SUCLG2: variants seen among roughly 807,000 people sequenced by gnomAD.
SUCLG2 encodes succinate-CoA ligase GDP-forming subunit beta, also known as succinate--CoA ligase [GDP-forming] subunit beta, mitochondrial.
In SUCLG2, 42 loss-of-function variants were observed where a neutral mutation model predicts 47.9. The ratio of observed to expected loss-of-function variants is 0.88; its 90% CI spans 0.69 to 1.14. The LOEUF is 1.14. SUCLG2 is among the 50% of genes most tolerant of loss of function. The pLI is 0.00. For missense variants in SUCLG2, 571 were observed against 525.9 expected, an observed-to-expected ratio of 1.09 and a Z score of -0.84; for synonymous variants, 195 against 197.3, an observed-to-expected ratio of 0.99 and a Z score of 0.10.
At chr3:67,637,795 A>G (rs1441369071) in intron 1 of SUCLG2, among the ~76,000 whole-genome samples, 1 of 152,180 alleles carries the variant, frequency 6.6e-6, no homozygotes, top group Non-Finnish European at 1.5e-5. Flanking sequence ...CCATGCCAGT[A>G]ACTTTTGATC....
intron 4 of SUCLG2, among the ~76,000 whole-genome samples, chr3:67,524,292 T>C (rs576612143): frequency 1.3e-5 from 2 of 152,234 alleles, no homozygotes; most frequent in African/African-American, 2.4e-5. Context: ...GAAAGCTTTT[T>C]AACTTTCTTT....
At chr3:67,495,665 A>AC in intron 9 of SUCLG2, 133 bp downstream of exon 9, 1 of 1,123,486 alleles carries the variant, frequency 8.9e-7, no homozygotes, top group South Asian at 1.7e-5. Flanking sequence ...AAAAAAAAAA[A>AC]AAGATAGAAG....
intron 2 of SUCLG2, among the ~76,000 whole-genome samples, chr3:67,609,166 TC>T (rs1700482515): frequency 6.6e-6 from 1 of 152,208 alleles, no homozygotes; most frequent in African/African-American, 2.4e-5. Context: ...CTGAAGGCTG[TC>T]CTGTGATTCC....
intron 2 of SUCLG2, among the ~76,000 whole-genome samples, chr3:67,583,322 C>A (rs1707929981): frequency 6.6e-6 from 1 of 152,218 alleles, no homozygotes; most frequent in Non-Finnish European, 1.5e-5. Flanking sequence ...TGCCTCCTCA[C>A]TGGTCTCCTG....
intron 9 of SUCLG2, among the ~76,000 whole-genome samples, chr3:67,436,232 G>T (rs1204263411): frequency 6.6e-6 from 1 of 152,114 alleles, no homozygotes; most frequent in Non-Finnish European, 1.5e-5. Flanking sequence ...ACAAAATCTT[G>T]CTCTGCTTCA....
intron 6 of SUCLG2, among the ~76,000 whole-genome samples, chr3:67,513,546 A>G (rs1351039861): frequency 6.6e-6 from 1 of 152,210 alleles, no homozygotes; most frequent in Non-Finnish European, 1.5e-5. Flanking sequence ...CTAAATGGTT[A>G]TAAGGGCTAA....
chr3:67,395,567 T>A (rs1702505251), intron 10 of SUCLG2, among the ~76,000 whole-genome samples: 1 of 152,286 alleles, frequency 6.6e-6, no homozygotes, highest in Non-Finnish European at 1.5e-5. Context: ...CACACAATAA[T>A]AATGGGAGAC....
chr3:67,426,341 A>G (rs1259775954), intron 9 of SUCLG2, among the ~76,000 whole-genome samples: 1 of 152,224 alleles, frequency 6.6e-6, no homozygotes, highest in Non-Finnish European at 1.5e-5. Context: ...AGAATATATT[A>G]GGTGAAAAAG....
intron 9 of SUCLG2, among the ~76,000 whole-genome samples, chr3:67,475,945 A>G (rs1704740492): frequency 6.6e-6 from 1 of 151,850 alleles, no homozygotes; most frequent in Non-Finnish European, 1.5e-5. Flanking sequence ...AGAAAGGCCA[A>G]TTTAAAACCA....
chr3:67,537,021 TAC>T (rs148768962), intron 2 of SUCLG2, among the ~76,000 whole-genome samples: 2,561 of 152,274 alleles, frequency 0.017, 30 homozygotes, highest in Non-Finnish European at 0.029. Context: ...ACACCATATG[TAC>T]AGTCATTAAC....
downstream of SUCLG2, among the ~76,000 whole-genome samples, chr3:67,373,117 G>A (rs1356687299): frequency 6.6e-6 from 1 of 151,812 alleles, no homozygotes; most frequent in Non-Finnish European, 1.5e-5. Context: ...ATATTTTCTC[G>A]CTTATTTTAA....
intron 2 of SUCLG2, among the ~76,000 whole-genome samples, chr3:67,594,063 G>A (rs2107283501): frequency 6.6e-6 from 1 of 152,314 alleles, no homozygotes; most frequent in East Asian, 1.9e-4. Flanking sequence ...GTCCGAGGAG[G>A]ATGAGAGGCA....
rs544784281 is a variant in SUCLG2, at chr3:67,429,098, G to T, written c.1063-28247C>A. 6.6e-5 allele frequency among the ~76,000 whole-genome samples: 10 copies of T among 152,214 alleles called. No homozygotes were observed. In the East Asian group the frequency reaches 7.7e-4, roughly 12 times the overall value. On this transcript the variant is annotated intron_variant, in intron 9 of 10. Transcript: ENST00000307227. ...AACATTCAGATTCAGGAAATACAGA[G>T]AATGCCACAAAGATACTCCTCGAGA... is the stretch of plus-strand genomic sequence containing the variant.
At chr3:67,466,532 T>C (rs1361791514) in intron 9 of SUCLG2, among the ~76,000 whole-genome samples, 4 of 152,308 alleles carry the variant, frequency 2.6e-5, no homozygotes, top group South Asian at 4.1e-4. Context: ...ATAAACTTAG[T>C]GTATCCCCTG....
rs1704006983 is a variant in SUCLG2, at chr3:67,449,671, AGTGGC to A, written c.1062+46122_1062+46126del. On this transcript the variant is annotated intron_variant, in intron 9 of 10. Transcript: ENST00000307227. Reference sequence around the variant, plus strand: ...CACTCTGTTGCCCAGGCTGGGGTGCAGTGGCGTGACCTCGCTCACTGGAGCTTCTA... The same window carrying A: ...CACTCTGTTGCCCAGGCTGGGGTGCAGTGACCTCGCTCACTGGAGCTTCTA... 2.6e-5 allele frequency among the ~76,000 whole-genome samples: 4 copies of A among 151,910 alleles called. 1 individual carries two copies. The highest frequency in any genetic ancestry group is 2.6e-4 in the Admixed American group (4 of 15,234).
At chr3:67,422,431 C>T (rs565760340) in intron 9 of SUCLG2, among the ~76,000 whole-genome samples, 3 of 129,420 alleles carry the variant, frequency 2.3e-5, no homozygotes, top group South Asian at 2.6e-4. Flanking sequence ...GCCAAGATCG[C>T]GCCACTGCAC....
chr3:67,394,851 G>T (rs1230941987), intron 10 of SUCLG2, among the ~76,000 whole-genome samples: 12 of 152,138 alleles, frequency 7.9e-5, no homozygotes, highest in East Asian at 1.9e-4. Flanking sequence ...AGCCAGAAGA[G>T]AGTGGGGGCC....
chr3:67,459,468 T>C (rs1283273988), intron 9 of SUCLG2, among the ~76,000 whole-genome samples: 2 of 152,224 alleles, frequency 1.3e-5, no homozygotes, highest in Non-Finnish European at 2.9e-5. Context: ...AACATCCATG[T>C]GTCTTTCTTT....
chr3:67,622,861 C>T (rs2107337391), intron 1 of SUCLG2, among the ~76,000 whole-genome samples: 1 of 152,242 alleles, frequency 6.6e-6, no homozygotes, highest in African/African-American at 2.4e-5. Context: ...CATTAAGCAC[C>T]CATCCCTGTG....
Sources: allele counts gnomAD v4.1 joint callset (sites outside exome capture counted in the v4.1 genomes callset), GRCh38; gene constraint gnomAD v4.1.1; transcripts MANE v1.5; gene names NCBI Gene and HGNC (gene_info 2026-07-23, HGNC 2026-07-21).